ABLIM3: variants seen among roughly 807,000 people sequenced by gnomAD.
The protein encoded by ABLIM3 is actin binding LIM protein family member 3.
A neutral mutation model predicts 109.5 loss-of-function variants in ABLIM3; 61 were observed. That is an observed-to-expected ratio of 0.56 (90% CI 0.45 to 0.69). The LOEUF (loss-of-function observed/expected upper bound fraction) is 0.69. ABLIM3 is among the 30% of genes least tolerant of loss of function. The probability of loss-of-function intolerance (pLI) is 0.00; values close to 1 mark genes in which losing one functional copy is unlikely to be tolerated. For synonymous variants in ABLIM3, 300 were observed against 324.8 expected, an observed-to-expected ratio of 0.92 and a Z score of 0.82; for missense variants, 796 against 889.5, an observed-to-expected ratio of 0.89 and a Z score of 1.34.
intron 3 of ABLIM3, 144 bp downstream of exon 3, chr5:149,183,733 T>TATA: frequency 9.1e-6 from 9 of 984,806 alleles, no homozygotes; most frequent in South Asian, 3.2e-5. Flanking sequence ...AGCCTCTTCT[T>TATA]ATGAGATTCT....
intron 3 of ABLIM3, among the ~76,000 whole-genome samples, chr5:149,195,803 G>T (rs931251743): frequency 3.9e-5 from 6 of 152,170 alleles, no homozygotes; most frequent in Non-Finnish European, 7.4e-5. Context: ...CATAATGCCT[G>T]ATGGAAGATG....
In ABLIM3 at chr5:149,260,354, T is replaced by A. The variant is rs998697331; in HGVS notation, c.*1950T>A. On this transcript the variant is annotated 3_prime_UTR_variant, in exon 24 of 24. Coordinates refer to ENST00000309868, the MANE Select transcript of ABLIM3 (RefSeq NM_014945.5). ...ATGGAAGTTGCCTTATTGTCACTGGTTAAGAACTTGGCGAGATTGAAGGGC... is the reference window on the plus strand; with the variant it reads ...ATGGAAGTTGCCTTATTGTCACTGGATAAGAACTTGGCGAGATTGAAGGGC... 1 of 152,640 alleles carries A rather than the reference T, an allele frequency of 6.6e-6. No homozygotes were observed. Among genetic ancestry groups the A allele is most frequent in the Non-Finnish European group, 1.5e-5 (1 of 68,032 alleles). The allele number at this position is 152,640 out of a possible 1,614,324, so 9.5% of individuals were successfully genotyped here.
intron 10 of ABLIM3, among the ~76,000 whole-genome samples, chr5:149,236,110 A>T (rs555998698): frequency 4.3e-4 from 66 of 152,282 alleles, no homozygotes; most frequent in African/African-American, 1.5e-3. Flanking sequence ...AACCCAACTG[A>T]AAGTCAGAGA....
At chr5:149,149,602 C>T (rs192705949) in intron 2 of ABLIM3, among the ~76,000 whole-genome samples, 15 of 152,150 alleles carry the variant, frequency 9.9e-5, no homozygotes, top group Admixed American at 3.3e-4. Flanking sequence ...GTTCAGAAAA[C>T]GTCTCGGGCC....
At chr5:149,191,073 TAGAA>T (rs377721142) in intron 3 of ABLIM3, among the ~76,000 whole-genome samples, 6 of 151,802 alleles carry the variant, frequency 4.0e-5, no homozygotes, top group South Asian at 2.1e-4. Flanking sequence ...CCAAGTAAAA[TAGAA>T]GGAAGGAAAT....
At chr5:149,254,674 C>T (rs74374387) in intron 23 of ABLIM3, among the ~76,000 whole-genome samples, 3,206 of 152,226 alleles carry the variant, frequency 0.021, 125 homozygotes, top group African/African-American at 0.07. Context: ...GGTGATTCTC[C>T]TCACATTTCA....
rs187371391 is a variant in ABLIM3 at position 149,186,798 on chromosome 5, A to G, written c.151+3209A>G. ...ACTTTGTATATTGAAATTTCCTGTC[A>G]TTACATAATAACTATATTGATACAT... On this transcript the variant is annotated intron_variant, in intron 3 of 23. Coordinates refer to ENST00000309868, the MANE Select transcript of ABLIM3 (RefSeq NM_014945.5). Among the ~76,000 whole-genome samples, 1,099 of 152,200 alleles carry G rather than the reference A, an allele frequency of 7.2e-3. 16 individuals carry two copies. The highest frequency in any genetic ancestry group is 0.026 in the African/African-American group (1,069 of 41,552).
intron 13 of ABLIM3, 22 bp from the exon 14 acceptor site, chr5:149,240,654 G>A (rs772825039): frequency 3.4e-5 from 55 of 1,601,502 alleles, no homozygotes; most frequent in African/African-American, 4.0e-5. Context: ...TTTCTTTGGC[G>A]ACCACTTCCT....
chr5:149,242,589 T>C, intron 15 of ABLIM3, 51 bp downstream of exon 15: 1 of 1,596,606 alleles, frequency 6.3e-7, no homozygotes, highest in Non-Finnish European at 8.6e-7. Context: ...GGGGGGAGGT[T>C]AACCATCTAT....
chr5:149,246,397 G>C, intron 16 of ABLIM3, 85 bp from the exon 17 acceptor site: 2 of 1,267,236 alleles, frequency 1.6e-6, no homozygotes, highest in Middle Eastern at 1.9e-4. Flanking sequence ...AAGAAAAGTG[G>C]CTTTTCTTTT....
In ABLIM3 at chr5:149,198,544, T is replaced by A. The variant is rs1436673055; in HGVS notation, c.335+142T>A. On this transcript the variant is annotated intron_variant, in intron 4 of 23. Transcript: ENST00000309868. The surrounding 1 kb of genome is among the most constrained non-coding windows in gnomAD (Gnocchi z 4.2). ...TTCTGGAACCTCAGGTGTGGAGGGATCTGATGGGCCAGTGGTTTTCAAACA... is the reference window on the plus strand; with the variant it reads ...TTCTGGAACCTCAGGTGTGGAGGGAACTGATGGGCCAGTGGTTTTCAAACA... 4 of 957,634 alleles carry A rather than the reference T, an allele frequency of 4.2e-6. No homozygotes were observed. The highest frequency in any genetic ancestry group is 3.1e-5 in the Admixed American group (1 of 32,212). The allele number at this position is 957,634 out of a possible 1,614,324, so 59.3% of individuals were successfully genotyped here. A position where few individuals can be genotyped will look rare whatever the true frequency, so the allele number is the denominator to read the frequency against.
chr5:149,255,754 C>A (rs2127577905), intron 23 of ABLIM3, among the ~76,000 whole-genome samples: 1 of 152,218 alleles, frequency 6.6e-6, no homozygotes, highest in African/African-American at 2.4e-5. Flanking sequence ...AGGAGCACAA[C>A]AAAGATGAGG....
Position 149,239,297 on chromosome 5 carries a change from A to G in ABLIM3, c.1074+20A>G. The G allele has an allele frequency of 6.2e-7, 1 of 1,612,420 alleles. No individual in the cohort carries two copies. The highest frequency in any genetic ancestry group is 8.5e-7 in the Non-Finnish European group (1 of 1,178,498). On this transcript the variant is annotated intron_variant, in intron 12 of 23. Coordinates refer to ENST00000309868, the MANE Select transcript of ABLIM3 (RefSeq NM_014945.5). ...TCCCAGGTAATTCAGCTGATAGAGAATTAAGTTGATATATAATTGTGCCCC... is the reference window on the plus strand; with the variant it reads ...TCCCAGGTAATTCAGCTGATAGAGAGTTAAGTTGATATATAATTGTGCCCC...
intron 23 of ABLIM3, among the ~76,000 whole-genome samples, chr5:149,255,661 G>T (rs1006362000): frequency 6.6e-6 from 1 of 152,162 alleles, no homozygotes; most frequent in Non-Finnish European, 1.5e-5. Flanking sequence ...CTGGGCAGAG[G>T]GAACAGCCAG....
At position 149,207,187 on chromosome 5, in the gene ABLIM3, C is replaced by T. The variant is rs1023065496; in HGVS notation, c.575+53C>T. ...GCCTGGGCCTCTGCATTCTGTGAGG[C>T]CTGCCCCATTGAGCCCATGCCTACA... On this transcript the variant is annotated intron_variant, in intron 6 of 23. Transcript: ENST00000309868. 4 of 1,590,808 alleles carry T rather than the reference C, an allele frequency of 2.5e-6. No individual in the cohort carries two copies. In the African/African-American group the frequency reaches 4.0e-5, roughly 16 times the overall value.
Position 149,252,226 on chromosome 5 carries a change from A to T in ABLIM3, c.1857+18A>T, listed in dbSNP as rs1227772757. On this transcript the variant is annotated intron_variant, in intron 22 of 23. Transcript: ENST00000309868. ...AGTACAAGGTAAAGGATGTGCATAGACCCTGGGGGTCTCCAGGATTCTTGG... is the reference window on the plus strand; with the variant it reads ...AGTACAAGGTAAAGGATGTGCATAGTCCCTGGGGGTCTCCAGGATTCTTGG... 6.2e-7 allele frequency: 1 copy of T among 1,612,246 alleles called. No homozygotes were observed. Among genetic ancestry groups the T allele is most frequent in the Admixed American group, 1.7e-5 (1 of 59,594 alleles).
At position 149,247,792 on chromosome 5, in the gene ABLIM3, G is replaced by C. The variant is rs750265848; in HGVS notation, c.1562G>C (p.Gly521Ala). Residue 521 changes from glycine to alanine, a missense_variant, in exon 18 of 24, where the codon GGA becomes GCA. Physicochemically the swap from Gly to Ala is moderately conservative, Grantham distance 60 (BLOSUM62 0). Coordinates refer to ENST00000309868, the MANE Select transcript of ABLIM3 (RefSeq NM_014945.5). ...TTCCCCGACCCTCAGCTCCAAAGTG[G>C]AATTGGCCGGCTGATTCTGAAGGAA... is the stretch of plus-strand genomic sequence containing the variant. ...FDRSMHKLQS[G>A]IGRLILKEEM... The C allele has an allele frequency of 6.2e-7, 1 of 1,614,228 alleles. No individual in the cohort carries two copies. The highest frequency in any genetic ancestry group is 8.5e-7 in the Non-Finnish European group (1 of 1,180,044).
intron 2 of ABLIM3, among the ~76,000 whole-genome samples, chr5:149,163,132 T>TTACA (rs1754527649): frequency 6.6e-6 from 1 of 152,146 alleles, no homozygotes; most frequent in Non-Finnish European, 1.5e-5. Flanking sequence ...ATTGAATGGT[T>TTACA]TTAAGTTGCC....
intron 11 of ABLIM3, among the ~76,000 whole-genome samples, chr5:149,238,226 G>C (rs1474794485): frequency 1.3e-5 from 2 of 152,198 alleles, no homozygotes; most frequent in African/African-American, 4.8e-5. Context: ...GTTGGGGGCA[G>C]AATTACCCTG....
Sources: allele counts gnomAD v4.1 joint callset (sites outside exome capture counted in the v4.1 genomes callset), GRCh38; gene constraint gnomAD v4.1.1; non-coding constraint Gnocchi (gnomAD v3.1); transcripts MANE v1.5; gene names NCBI Gene and HGNC (gene_info 2026-07-23, HGNC 2026-07-21).